The following MLIP variants were observed in gnomAD, a reference collection of about 807,000 sequenced individuals.
MLIP encodes muscular LMNA interacting protein, also known as muscular LMNA-interacting protein.
In MLIP, 79 loss-of-function variants were observed where a neutral mutation model predicts 84.8. The ratio of observed to expected loss-of-function variants is 0.93; its 90% confidence interval spans 0.78 to 1.12. The LOEUF is 1.12. Among genes scored for constraint, MLIP ranks in the 50% most tolerant of loss-of-function variants. MLIP has a pLI of 0.00. For missense variants in MLIP, 1,257 were observed against 1,160.6 expected (o/e 1.08, Z -1.21); for synonymous variants, 504 against 463.0 (o/e 1.09, Z -1.14).
intron 12 of MLIP, among the ~76,000 whole-genome samples, chr6:54,238,410 T>C (rs1216132565): frequency 2.0e-5 from 3 of 152,226 alleles, no homozygotes; most frequent in Non-Finnish European, 4.4e-5. Context: ...ACTTTCAGTA[T>C]TCCCACTTAA....
chr6:54,050,968 G>A (rs1765342691), intron 1 of MLIP, among the ~76,000 whole-genome samples: 1 of 152,166 alleles, frequency 6.6e-6, no homozygotes, highest in African/African-American at 2.4e-5. Context: ...CATCTGGAAT[G>A]TCTTTGTCCT....
At chr6:54,152,850 AGTT>A (rs1773591912) in intron 5 of MLIP, among the ~76,000 whole-genome samples, 1 of 138,416 alleles carries the variant, frequency 7.2e-6, no homozygotes, top group Non-Finnish European at 1.5e-5. Flanking sequence ...TTTATCATGT[AGTT>A]GTTAAAGGAG....
chr6:54,112,632 TC>T (rs1769561632), intron 1 of MLIP, among the ~76,000 whole-genome samples: 1 of 151,792 alleles, frequency 6.6e-6, no homozygotes, highest in African/African-American at 2.4e-5. Context: ...TTCTGTGTTT[TC>T]TGGAATCACA....
intron 4 of MLIP, 117 bp downstream of exon 4, chr6:54,138,403 G>A: frequency 2.5e-6 from 3 of 1,202,716 alleles, no homozygotes; most frequent in Non-Finnish European, 2.3e-6. Context: ...CAAGGAGGAA[G>A]AAAAAGTGCA....
chr6:54,119,133 G>A (rs1032142198), intron 1 of MLIP, among the ~76,000 whole-genome samples: 3 of 152,146 alleles, frequency 2.0e-5, no homozygotes, highest in Admixed American at 2.0e-4. Flanking sequence ...CGGTATGGAG[G>A]TTCCTCAAAA....
At chr6:54,091,587 G>A (rs188405384) in intron 1 of MLIP, among the ~76,000 whole-genome samples, 2 of 152,058 alleles carry the variant, frequency 1.3e-5, no homozygotes, top group African/African-American at 4.8e-5. Flanking sequence ...AAGATCACGT[G>A]GGAGAAAAAT....
At chr6:54,110,481 C>T (rs547394097), upstream of MLIP, among the ~76,000 whole-genome samples, 2 of 152,216 alleles carry the variant, frequency 1.3e-5, no homozygotes, top group Admixed American at 1.3e-4. Flanking sequence ...AAATTTAGAT[C>T]ATATTCTAGG....
At chr6:54,246,856 A>G (rs1201387849) in intron 12 of MLIP, among the ~76,000 whole-genome samples, 1 of 152,114 alleles carries the variant, frequency 6.6e-6, no homozygotes, top group Admixed American at 6.6e-5. Context: ...TCACATAGAT[A>G]GTGTTCAATT....
At chr6:54,048,634 G>T (rs1765206671) in intron 1 of MLIP, among the ~76,000 whole-genome samples, 1 of 152,162 alleles carries the variant, frequency 6.6e-6, no homozygotes, top group South Asian at 2.1e-4. Flanking sequence ...TAAAACGAAT[G>T]TTCAAGGCAT....
intron 9 of MLIP, among the ~76,000 whole-genome samples, chr6:54,171,146 G>C (rs1309781412): frequency 1.3e-5 from 2 of 151,396 alleles, no homozygotes; most frequent in African/African-American, 4.8e-5. Context: ...AATGATTCTG[G>C]AGCGGCTTCT....
intron 1 of MLIP, among the ~76,000 whole-genome samples, chr6:54,092,288 G>T (rs570111991): frequency 3.3e-5 from 5 of 152,202 alleles, no homozygotes; most frequent in African/African-American, 1.2e-4. Context: ...CTTGTGAATT[G>T]CAATTTCAAT....
At chr6:54,162,168 G>A (rs1221786762) in intron 8 of MLIP, among the ~76,000 whole-genome samples, 1 of 151,956 alleles carries the variant, frequency 6.6e-6, no homozygotes, top group Non-Finnish European at 1.5e-5. Flanking sequence ...AGTAACCTAA[G>A]GTATAAGCTT....
intron 8 of MLIP, among the ~76,000 whole-genome samples, chr6:54,168,095 A>G (rs1329806236): frequency 6.6e-6 from 1 of 151,828 alleles, no homozygotes; most frequent in East Asian, 1.9e-4. Flanking sequence ...ATATTTTTCA[A>G]TATATTGGTC....
intron 3 of MLIP, among the ~76,000 whole-genome samples, chr6:54,130,582 G>A (rs555202669): frequency 2.0e-5 from 3 of 152,038 alleles, no homozygotes; most frequent in Non-Finnish European, 4.4e-5. Flanking sequence ...AAGGTAGTAG[G>A]CTAGGCACTA....
chr6:54,101,772 C>T (rs1286087042), intron 1 of MLIP, among the ~76,000 whole-genome samples: 1 of 152,134 alleles, frequency 6.6e-6, no homozygotes, highest in East Asian at 1.9e-4. Flanking sequence ...CTTTAGCACT[C>T]ATGCTAGTGA....
At chr6:54,230,600 G>A (rs1035698697) in intron 11 of MLIP, 114 bp from the exon 12 acceptor site, 5 of 861,124 alleles carry the variant, frequency 5.8e-6, no homozygotes, top group Non-Finnish European at 9.5e-6. Flanking sequence ...CATGAGGAGA[G>A]GTTGTCTTCT....
chr6:54,121,636 C>T (rs759722425), intron 2 of MLIP, 34 bp downstream of exon 2: 1 of 1,452,868 alleles, frequency 6.9e-7, no homozygotes, highest in African/African-American at 1.5e-5. Flanking sequence ...TAATTTCAAA[C>T]AATTATATTA....
intron 11 of MLIP, among the ~76,000 whole-genome samples, chr6:54,204,444 G>A (rs1778905613): frequency 6.6e-6 from 1 of 152,248 alleles, no homozygotes; most frequent in Non-Finnish European, 1.5e-5. Context: ...AAATAATTTA[G>A]CAGTTATATG....
intron 12 of MLIP, among the ~76,000 whole-genome samples, chr6:54,231,448 G>A (rs560051531): frequency 3.4e-5 from 5 of 147,286 alleles, no homozygotes; most frequent in Non-Finnish European, 6.0e-5. Context: ...GAAGTGTTTC[G>A]TACCTGAAGT....
Sources: gnomAD v4.1 joint callset for allele counts (sites outside exome capture counted in the v4.1 genomes callset) on GRCh38, gnomAD v4.1.1 for gene constraint, MANE v1.5 for transcripts, NCBI Gene and HGNC (gene_info 2026-07-23, HGNC 2026-07-21) for gene names.